TRABD2A: variants seen among roughly 807,000 people sequenced by gnomAD.
The protein encoded by TRABD2A is metalloprotease TIKI1.
Under a neutral mutation model 45.6 loss-of-function variants are expected in TRABD2A, and 43 were observed. The observed-to-expected ratio is 0.94, with a 90% CI of 0.74 to 1.22. The LOEUF (loss-of-function observed/expected upper bound fraction) is 1.22. Among genes scored for constraint, TRABD2A ranks in the 50% most tolerant of loss-of-function variants. TRABD2A has a pLI of 0.00. For missense variants in TRABD2A, 642 were observed against 652.4 expected (o/e 0.98, Z 0.17); for synonymous variants, 269 against 265.0 (o/e 1.02, Z -0.15).
At chr2:84,871,542 C>T (rs543598002) in intron 1 of TRABD2A, among the ~76,000 whole-genome samples, 86 of 151,886 alleles carry the variant, frequency 5.7e-4, no homozygotes, top group African/African-American at 1.9e-3. Flanking sequence ...AGTGCAATGG[C>T]GCAATCCTGG....
At chr2:84,871,049 T>C (rs1682858795) in intron 1 of TRABD2A, among the ~76,000 whole-genome samples, 1 of 152,128 alleles carries the variant, frequency 6.6e-6, no homozygotes, top group Non-Finnish European at 1.5e-5. Flanking sequence ...AAAAGAAGCA[T>C]CTCTGAGTCC....
chr2:84,870,395 A>G lies in TRABD2A; in HGVS notation c.499T>C (p.Trp167Arg). 2 of 1,614,034 alleles carry G rather than the reference A, an allele frequency of 1.2e-6. No homozygotes were observed. ...AGNWERKRPV[W>R]VMLMVNSLTE... ...AGGGAGTTGACCATGAGCATCACCC[A>G]GACAGGCCTCTTGCGCTCCCAGTTT... The change falls in exon 2 of 7, where the codon TGG becomes CGG. Residue 167 changes from tryptophan (W) to arginine (R), a missense_variant. Physicochemically the swap from Trp to Arg is moderately radical, Grantham distance 101. Transcript: ENST00000409520.
At position 84,870,295 on chromosome 2, in the gene TRABD2A, C is replaced by G; in HGVS notation, c.599G>C (p.Arg200Thr). 1 of 1,614,008 alleles carries G rather than the reference C, an allele frequency of 6.2e-7. No homozygotes were observed. ...CTTTTCCACTGCCCCAGTCTGTTTCCTCAGCCGCTCAGCCTCCTGGGCAAG... is the reference window on the plus strand; with the variant it reads ...CTTTTCCACTGCCCCAGTCTGTTTCGTCAGCCGCTCAGCCTCCTGGGCAAG... ...LFLAQEAERL[R>T]KQTGAVEKVE... Residue 200 changes from arginine to threonine, a missense_variant, in exon 2 of 7, where the codon AGG (arginine) becomes ACG (threonine). Physicochemically the swap from Arg to Thr is moderately conservative, Grantham distance 71. Coordinates refer to ENST00000409520, the MANE Select transcript of TRABD2A (RefSeq NM_001277053.2).
At chr2:84,868,553 T>C (rs1267427591) in intron 2 of TRABD2A, among the ~76,000 whole-genome samples, 3 of 148,646 alleles carry the variant, frequency 2.0e-5, no homozygotes, top group Admixed American at 1.3e-4. Flanking sequence ...AATTAACTAG[T>C]TAACTAATTA....
intron 2 of TRABD2A, among the ~76,000 whole-genome samples, chr2:84,852,372 G>A (rs931554950): frequency 2.0e-5 from 3 of 152,052 alleles, no homozygotes; most frequent in African/African-American, 7.2e-5. Context: ...TGACCATGCG[G>A]TGGGGGATGG....
At chr2:84,842,214 C>T (rs1192025354) in intron 2 of TRABD2A, among the ~76,000 whole-genome samples, 1 of 152,180 alleles carries the variant, frequency 6.6e-6, no homozygotes, top group East Asian at 1.9e-4. Flanking sequence ...CAATCAGACA[C>T]ACCTAGGGAA....
At chr2:84,853,313 C>T (rs928593636) in intron 2 of TRABD2A, among the ~76,000 whole-genome samples, 6 of 152,154 alleles carry the variant, frequency 3.9e-5, no homozygotes, top group South Asian at 4.2e-4. Context: ...AATTGACTCA[C>T]GGTTTTGAAG....
intron 6 of TRABD2A, among the ~76,000 whole-genome samples, chr2:84,822,999 C>G (rs777169089): frequency 1.3e-5 from 2 of 152,206 alleles, no homozygotes; most frequent in Non-Finnish European, 2.9e-5. Flanking sequence ...TTCAACTCTT[C>G]TCCTTCCCTA....
intron 2 of TRABD2A, among the ~76,000 whole-genome samples, chr2:84,848,489 T>C (rs1681981161): frequency 6.7e-6 from 1 of 149,608 alleles, no homozygotes; most frequent in African/African-American, 2.4e-5. Flanking sequence ...TAAAAGCCTT[T>C]CCATGAACAA....
At chr2:84,841,337 A>C (rs1376975734) in intron 3 of TRABD2A, among the ~76,000 whole-genome samples, 1 of 152,110 alleles carries the variant, frequency 6.6e-6, no homozygotes, top group Non-Finnish European at 1.5e-5. Flanking sequence ...CACTCAATCC[A>C]CCAGCTCAGC....
At chr2:84,828,855 T>A (rs936654390) in intron 5 of TRABD2A, among the ~76,000 whole-genome samples, 1 of 152,150 alleles carries the variant, frequency 6.6e-6, no homozygotes, top group Non-Finnish European at 1.5e-5. Context: ...ATGCACAGGA[T>A]GAACCCAGGC....
intron 2 of TRABD2A, 88 bp from the exon 3 acceptor site, chr2:84,842,095 A>G (rs1400295823): frequency 2.7e-5 from 36 of 1,352,436 alleles, no homozygotes; most frequent in Non-Finnish European, 3.4e-5. Flanking sequence ...AAATACCTTC[A>G]CCTTTGTGCT....
chr2:84,879,548 T>A, intron 1 of TRABD2A: 1 of 970,076 alleles, frequency 1.0e-6, no homozygotes, highest in East Asian at 1.1e-4. Context: ...AATAAAGGAC[T>A]CATAAAGACA....
chr2:84,822,024 G>T lies in TRABD2A; in HGVS notation c.1411C>A (p.His471Asn), dbSNP rs1157792868. Residue 471 changes from histidine to asparagine, a missense_variant, in exon 7 of 7, where the codon CAT becomes AAT. Physicochemically the swap from His to Asn is moderately conservative, Grantham distance 68 (BLOSUM62 1). Coordinates refer to ENST00000409520, the MANE Select transcript of TRABD2A (RefSeq NM_001277053.2). Reference sequence around the variant, plus strand: ...GCCACCATCTGGCTGTGGTGGGAATGCCCACGGCGAGGGAGCCGCAGTTCA... The same window carrying T: ...GCCACCATCTGGCTGTGGTGGGAATTCCCACGGCGAGGGAGCCGCAGTTCA... Reference protein sequence around the residue: ...STELRLPRRGHSHHSQMVASS... With the variant: ...STELRLPRRGNSHHSQMVASS... 6.3e-7 allele frequency: 1 copy of T among 1,594,684 alleles called. No homozygotes were observed. The highest frequency in any genetic ancestry group is 1.1e-5 in the South Asian group (1 of 87,424).
chr2:84,827,372 C>G (rs952090670), intron 5 of TRABD2A, among the ~76,000 whole-genome samples: 1 of 152,206 alleles, frequency 6.6e-6, no homozygotes, highest in Non-Finnish European at 1.5e-5. Flanking sequence ...GCCTCTGCCC[C>G]TTGCATAAAA....
chr2:84,876,102 A>G (rs952531773), intron 1 of TRABD2A, among the ~76,000 whole-genome samples: 3 of 152,168 alleles, frequency 2.0e-5, no homozygotes, highest in Admixed American at 2.0e-4. Flanking sequence ...TTAGAGGGGA[A>G]GGTCAGAAAT....
At chr2:84,839,922 A>G (rs1351355190) in intron 3 of TRABD2A, among the ~76,000 whole-genome samples, 2 of 152,220 alleles carry the variant, frequency 1.3e-5, no homozygotes, top group Non-Finnish European at 2.9e-5. Flanking sequence ...AAGTGCATCA[A>G]AATTGTGACA....
intron 1 of TRABD2A, among the ~76,000 whole-genome samples, chr2:84,871,806 TC>T (rs1682879570): frequency 6.6e-6 from 1 of 152,098 alleles, no homozygotes; most frequent in African/African-American, 2.4e-5. Flanking sequence ...CTTTTAAAGC[TC>T]CCCTGGTGAC....
intron 5 of TRABD2A, among the ~76,000 whole-genome samples, chr2:84,828,390 C>T (rs1470197161): frequency 6.6e-6 from 1 of 152,194 alleles, no homozygotes; most frequent in Non-Finnish European, 1.5e-5. Flanking sequence ...TTCCACATGA[C>T]CAGAATCATC....
Sources: allele counts gnomAD v4.1 joint callset (sites outside exome capture counted in the v4.1 genomes callset), GRCh38; gene constraint gnomAD v4.1.1; transcripts MANE v1.5; gene names NCBI Gene and HGNC (gene_info 2026-07-23, HGNC 2026-07-21).